The following NRG4 variants were observed in gnomAD, a reference collection of about 807,000 sequenced individuals.
NRG4 encodes pro-neuregulin-4, membrane-bound isoform.
NRG4 carries 10 observed loss-of-function variants against 15.0 expected under a neutral mutation model. The ratio of observed to expected loss-of-function variants is 0.67; its 90% CI spans 0.41 to 1.13. The LOEUF is 1.13. NRG4 is among the 50% of genes most tolerant of loss of function. NRG4 has a pLI of 0.00. For synonymous variants in NRG4, 41 were observed against 50.1 expected, an observed-to-expected ratio of 0.82 and a Z score of 0.77; for missense variants, 139 against 140.2, an observed-to-expected ratio of 0.99 and a Z score of 0.04.
Position 75,942,828 on chromosome 15 carries a change from A to T in NRG4, c.*810T>A, listed in dbSNP as rs1413700750. On this transcript the variant is annotated 3_prime_UTR_variant, in exon 6 of 6. Coordinates refer to ENST00000394907, the MANE Select transcript of NRG4 (RefSeq NM_138573.4). ...AGTTACTATTGCTTTTTTTTCCCCC[A>T]TGTAACTTAGGTAGAAAAAACTGGA... 6.6e-6 allele frequency: 1 copy of T among 152,026 alleles called. No homozygotes were observed. Among genetic ancestry groups the T allele is most frequent in the Non-Finnish European group, 1.5e-5 (1 of 67,998 alleles). 9.4% of individuals were successfully genotyped at this position (152,026 alleles called of 1,614,324 possible). A position where few individuals can be genotyped will look rare whatever the true frequency, so the allele number is the denominator to read the frequency against.
chr15:76,011,967 G>T (rs572294167), intron 1 of NRG4: 1 of 151,996 alleles, frequency 6.6e-6, no homozygotes, highest in Non-Finnish European at 1.5e-5. Context: ...TGCTATAACA[G>T]AAACAAAAGA....
chr15:76,011,840 G>T (rs553287117), intron 1 of NRG4, among the ~76,000 whole-genome samples: 2 of 151,576 alleles, frequency 1.3e-5, no homozygotes, highest in South Asian at 4.2e-4. Flanking sequence ...CATCTATCCC[G>T]GAACTTAAAA....
At position 75,944,768 on chromosome 15, in the gene NRG4, T is replaced by TGTGGG. The variant is rs1555428878; in HGVS notation, c.332-1115_332-1114insCCCAC. Among the ~76,000 whole-genome samples, 44 of 115,130 alleles carry TGTGGG rather than the reference T, an allele frequency of 3.8e-4. 1 individual carries two copies. The highest frequency in any genetic ancestry group is 1.3e-3 in the African/African-American group (44 of 34,210). The allele number at this position is 115,130 out of a possible 152,430, so 75.5% of individuals were successfully genotyped here. ...AGTAAAAGGCTTTTGTGTGTGTGTG[T>TGTGGG]GGGGGGGTGGTTATTTGCTTATAGT... On this transcript the variant is annotated intron_variant, in intron 5 of 5. Coordinates refer to ENST00000394907, the MANE Select transcript of NRG4 (RefSeq NM_138573.4).
At chr15:76,017,166 TTTTTTTTTTTTG>T (rs2035002887), upstream of NRG4, among the ~76,000 whole-genome samples, 1 of 145,712 alleles carries the variant, frequency 6.9e-6, no homozygotes, top group Admixed American at 6.8e-5. Context: ...TTTTTTTTTT[TTTTTTTTTTTTG>T]CTTTCCATTT....
rs2031063716 is a variant in NRG4 at position 75,942,229 on chromosome 15, A to G, written c.*1409T>C. 6.6e-6 allele frequency: 1 copy of G among 152,144 alleles called. No individual in the cohort carries two copies. Among genetic ancestry groups the G allele is most frequent in the South Asian group, 2.1e-4 (1 of 4,830 alleles). 9.4% of individuals were successfully genotyped at this position (152,144 alleles called of 1,614,324 possible). The stretch of plus-strand genomic sequence containing the variant: ...AAACTACTGTATACAATACTATAAT[A>G]GTGGATACATGACATTATATATTGG... On this transcript the variant is annotated 3_prime_UTR_variant, in exon 6 of 6. Transcript: ENST00000394907.
intron 3 of NRG4, among the ~76,000 whole-genome samples, chr15:75,973,286 A>C (rs1028902386): frequency 6.6e-6 from 1 of 151,860 alleles, no homozygotes; most frequent in Non-Finnish European, 1.5e-5. Flanking sequence ...GGGTTTTCTA[A>C]ATATACAATC....
At chr15:75,993,292 T>C (rs1311786037) in intron 3 of NRG4, among the ~76,000 whole-genome samples, 5 of 136,734 alleles carry the variant, frequency 3.7e-5, no homozygotes, top group Admixed American at 2.8e-4. Context: ...TAAATATTGT[T>C]TTTTTTTTTT....
At chr15:75,997,830 GGC>G (rs1218630442) in intron 3 of NRG4, among the ~76,000 whole-genome samples, 8 of 152,084 alleles carry the variant, frequency 5.3e-5, no homozygotes, top group Non-Finnish European at 1.5e-5. Context: ...GGTTTTTCAG[GGC>G]CAGACTTGTG....
At chr15:76,029,447 G>T (rs910142500) in intron 5 of NRG4, among the ~76,000 whole-genome samples, 4 of 152,238 alleles carry the variant, frequency 2.6e-5, no homozygotes, top group East Asian at 3.9e-4. Context: ...ACAAGAGAAA[G>T]AAATAAAGGG....
chr15:75,974,933 T>C (rs2141839654), intron 3 of NRG4, among the ~76,000 whole-genome samples: 1 of 152,132 alleles, frequency 6.6e-6, no homozygotes, highest in African/African-American at 2.4e-5. Context: ...CTCATTGATC[T>C]AATATTGACA....
rs765489681 is a variant in NRG4 at position 76,045,896 on chromosome 15, A to T, written c.-105+6171T>A. 2.1e-4 allele frequency among the ~76,000 whole-genome samples: 31 copies of T among 150,970 alleles called. 1 individual carries two copies. Among genetic ancestry groups the T allele is most frequent in the Admixed American group, 4.6e-4 (7 of 15,224 alleles). On this transcript the variant is annotated intron_variant, in intron 4 of 8. Transcript: ENST00000563910. ...GCACAACAGGGTGACTACAGTAAAA[A>T]ATAATGTAATTGTACATTTTAAAAT...
At chr15:75,967,007 C>T (rs750641559) in intron 3 of NRG4, among the ~76,000 whole-genome samples, 4 of 149,418 alleles carry the variant, frequency 2.7e-5, no homozygotes, top group Admixed American at 1.3e-4. Flanking sequence ...CCCAGCTACC[C>T]GGGAGGCTGA....
chr15:76,052,626 A>G (rs1482898233), intron 3 of NRG4, among the ~76,000 whole-genome samples: 2 of 151,166 alleles, frequency 1.3e-5, no homozygotes, highest in Non-Finnish European at 2.9e-5. Context: ...TGTCATTTTA[A>G]TAAGGTGGTA....
intron 4 of NRG4, among the ~76,000 whole-genome samples, chr15:76,049,371 T>A (rs2035944761): frequency 6.6e-6 from 1 of 150,890 alleles, no homozygotes; most frequent in Non-Finnish European, 1.5e-5. Flanking sequence ...TTCATTTCCA[T>A]TTTATTTGCT....
chr15:75,973,836 A>G (rs1360656520), intron 3 of NRG4, among the ~76,000 whole-genome samples: 1 of 151,638 alleles, frequency 6.6e-6, no homozygotes, highest in African/African-American at 2.4e-5. Flanking sequence ...TTCTTTTTTT[A>G]TTGTGTCTCT....
At chr15:75,980,914 G>A (rs1157908739) in intron 3 of NRG4, among the ~76,000 whole-genome samples, 2 of 151,510 alleles carry the variant, frequency 1.3e-5, no homozygotes, top group African/African-American at 4.9e-5. Context: ...ATAGAAAGAA[G>A]GAATTAATAA....
intron 3 of NRG4, among the ~76,000 whole-genome samples, chr15:76,000,949 A>T (rs1461110351): frequency 6.6e-6 from 1 of 152,130 alleles, no homozygotes; most frequent in Non-Finnish European, 1.5e-5. Context: ...AATACTCCCC[A>T]ACAGAAATAA....
intron 3 of NRG4, among the ~76,000 whole-genome samples, chr15:75,971,831 G>A (rs1289196352): frequency 6.6e-5 from 10 of 152,080 alleles, no homozygotes; most frequent in South Asian, 4.1e-4. Flanking sequence ...ATAAACATAC[G>A]TGTGCACGTG....
intron 3 of NRG4, among the ~76,000 whole-genome samples, chr15:75,993,174 C>T (rs1259661341): frequency 6.6e-6 from 1 of 151,406 alleles, no homozygotes; most frequent in African/African-American, 2.4e-5. Flanking sequence ...TATTTTTTTC[C>T]TCCTGCCATT....
Sources: allele counts gnomAD v4.1 joint callset (sites outside exome capture counted in the v4.1 genomes callset), GRCh38; gene constraint gnomAD v4.1.1; transcripts MANE v1.5; gene names NCBI Gene and HGNC (gene_info 2026-07-23, HGNC 2026-07-21).